Variants in BMP5 observed in about 807,000 individuals in gnomAD.
BMP5 encodes the protein bone morphogenetic protein 5.
BMP5 carries 23 observed loss-of-function variants against 46.6 expected under a neutral mutation model. The observed-to-expected ratio is 0.49, with a 90% CI of 0.35 to 0.70. The LOEUF (loss-of-function observed/expected upper bound fraction) is 0.70, where lower values mean the gene tolerates loss of function less well. Ranked by LOEUF, BMP5 falls within the 30% of genes least tolerant of loss-of-function variation. The probability of loss-of-function intolerance (pLI) is 0.00; values close to 1 mark genes in which losing one functional copy is unlikely to be tolerated. For missense variants in BMP5, 545 were observed against 565.6 expected, an observed-to-expected ratio of 0.96 and a Z score of 0.37; for synonymous variants, 204 against 191.9, an observed-to-expected ratio of 1.06 and a Z score of -0.52.
chr6:55,834,723 T>A (rs940130016), intron 1 of BMP5, among the ~76,000 whole-genome samples: 3 of 152,000 alleles, frequency 2.0e-5, no homozygotes, highest in Non-Finnish European at 4.4e-5. Context: ...ATAAATAAAA[T>A]AACATGTTTA....
chr6:55,759,194 A>AAAAAAC (rs1554174497), intron 5 of BMP5, 79 bp from the exon 6 acceptor site: 12 of 797,414 alleles, frequency 1.5e-5, no homozygotes, highest in African/African-American at 1.8e-5. Context: ...CAACAAGAAA[A>AAAAAAC]AATATCACCA....
At chr6:55,859,889 A>T (rs1777488985) in intron 1 of BMP5, among the ~76,000 whole-genome samples, 1 of 152,248 alleles carries the variant, frequency 6.6e-6, no homozygotes, top group African/African-American at 2.4e-5. Flanking sequence ...AAACACACTG[A>T]GGAATCCTGT....
chr6:55,863,938 T>C (rs1036068305), intron 1 of BMP5, among the ~76,000 whole-genome samples: 2 of 152,082 alleles, frequency 1.3e-5, no homozygotes, highest in Non-Finnish European at 2.9e-5. Flanking sequence ...GTAAGTACAC[T>C]CTATAATATT....
chr6:55,813,933 T>A (rs1776196769), intron 2 of BMP5, among the ~76,000 whole-genome samples: 1 of 152,204 alleles, frequency 6.6e-6, no homozygotes, highest in African/African-American at 2.4e-5. Context: ...TCCGTCTACA[T>A]CTGTCTATAT....
At chr6:55,857,370 T>A (rs1191028489) in intron 1 of BMP5, among the ~76,000 whole-genome samples, 1 of 152,214 alleles carries the variant, frequency 6.6e-6, no homozygotes, top group Non-Finnish European at 1.5e-5. Context: ...TAAATATGTA[T>A]AATGAAAACC....
At chr6:55,769,892 G>C (rs1345735991) in intron 4 of BMP5, among the ~76,000 whole-genome samples, 1 of 151,750 alleles carries the variant, frequency 6.6e-6, no homozygotes, top group Non-Finnish European at 1.5e-5. Flanking sequence ...TATTTTGAAA[G>C]GAATCTTTTT....
intron 4 of BMP5, 36 bp from the exon 5 acceptor site, chr6:55,760,569 C>T (rs1582042390): frequency 5.1e-6 from 8 of 1,561,292 alleles, no homozygotes; most frequent in Non-Finnish European, 6.2e-6. Flanking sequence ...TAAATGGTTG[C>T]TTACAGATAT....
intron 2 of BMP5, among the ~76,000 whole-genome samples, chr6:55,801,026 T>A (rs978263940): frequency 6.6e-6 from 1 of 152,336 alleles, no homozygotes; most frequent in Non-Finnish European, 1.5e-5. Flanking sequence ...GAAGTGACTT[T>A]GGCTGTCATT....
intron 1 of BMP5, among the ~76,000 whole-genome samples, chr6:55,846,733 A>G (rs1028804084): frequency 1.4e-4 from 21 of 151,890 alleles, no homozygotes; most frequent in Admixed American, 5.3e-4. Flanking sequence ...TGTCTCTTAA[A>G]TTTGAATATC....
chr6:55,798,242 G>C (rs1432356274), intron 2 of BMP5, among the ~76,000 whole-genome samples: 1 of 152,132 alleles, frequency 6.6e-6, no homozygotes, highest in African/African-American at 2.4e-5. Context: ...TCCAAAAAAG[G>C]TCACATTCTG....
chr6:55,813,673 G>C (rs942403988), intron 2 of BMP5, among the ~76,000 whole-genome samples: 1 of 151,740 alleles, frequency 6.6e-6, no homozygotes, highest in African/African-American at 2.4e-5. Context: ...TGTAGTCCCA[G>C]CTACTAGGGA....
intron 2 of BMP5, among the ~76,000 whole-genome samples, chr6:55,810,250 G>A (rs1776096178): frequency 6.6e-6 from 1 of 151,946 alleles, no homozygotes; most frequent in African/African-American, 2.4e-5. Flanking sequence ...TTAATTTTCA[G>A]AATATCTAAT....
chr6:55,866,310 A>G (rs983135930), intron 1 of BMP5, among the ~76,000 whole-genome samples: 4 of 152,184 alleles, frequency 2.6e-5, no homozygotes, highest in African/African-American at 9.6e-5. Flanking sequence ...TAAATAGCTG[A>G]CATACCTGCT....
intron 1 of BMP5, among the ~76,000 whole-genome samples, chr6:55,871,699 G>A (rs1235842368): frequency 1.3e-5 from 2 of 151,588 alleles, no homozygotes; most frequent in East Asian, 1.9e-4. Flanking sequence ...TTTCTGAATG[G>A]CAAGGTACCT....
intron 4 of BMP5, among the ~76,000 whole-genome samples, chr6:55,761,130 T>C (rs1360979834): frequency 6.6e-6 from 1 of 151,908 alleles, no homozygotes; most frequent in Non-Finnish European, 1.5e-5. Context: ...AGAATCAAAA[T>C]AGTTCTTTTT....
intron 1 of BMP5, among the ~76,000 whole-genome samples, chr6:55,851,459 C>T (rs1270376860): frequency 6.6e-6 from 1 of 152,068 alleles, no homozygotes; most frequent in Non-Finnish European, 1.5e-5. Context: ...TTGTCCAGAG[C>T]CAGTTCTCCC....
intron 2 of BMP5, among the ~76,000 whole-genome samples, chr6:55,796,098 C>T (rs1775705731): frequency 6.6e-6 from 1 of 152,104 alleles, no homozygotes; most frequent in South Asian, 2.1e-4. Flanking sequence ...AACTCATTTA[C>T]ACTGTTCACT....
At chr6:55,839,753 A>C (rs1582108944) in intron 1 of BMP5, among the ~76,000 whole-genome samples, 1 of 152,298 alleles carries the variant, frequency 6.6e-6, no homozygotes, top group East Asian at 1.9e-4. Flanking sequence ...TATTGTAGAC[A>C]GTGTTATTTT....
intron 1 of BMP5, among the ~76,000 whole-genome samples, chr6:55,857,431 G>T (rs945774803): frequency 1.3e-5 from 2 of 152,012 alleles, no homozygotes; most frequent in Non-Finnish European, 2.9e-5. Context: ...CCATACTTTC[G>T]CACTCTTTCA....
Sources: allele counts gnomAD v4.1 joint callset (sites outside exome capture counted in the v4.1 genomes callset), GRCh38; gene constraint gnomAD v4.1.1; transcripts MANE v1.5; gene names NCBI Gene and HGNC (gene_info 2026-07-23, HGNC 2026-07-21).